The following ARHGAP26 variants were observed in gnomAD, a reference collection of about 807,000 sequenced individuals.
The protein encoded by ARHGAP26 is Rho GTPase activating protein 26.
A neutral mutation model predicts 104.8 loss-of-function variants in ARHGAP26; 38 were observed. The ratio of observed to expected loss-of-function variants is 0.36; its 90% CI spans 0.28 to 0.48. The LOEUF (loss-of-function observed/expected upper bound fraction) is 0.48. ARHGAP26 is among the 20% of genes least tolerant of loss of function. The probability of loss-of-function intolerance (pLI) is 0.99; values close to 1 mark genes in which losing one functional copy is unlikely to be tolerated. For missense variants in ARHGAP26, 704 were observed against 947.9 expected (o/e 0.74, Z 3.38); for synonymous variants, 341 against 340.0 (o/e 1.00, Z -0.03).
chr5:142,998,753 A>G (rs1023575350), intron 11 of ARHGAP26, among the ~76,000 whole-genome samples: 1 of 152,200 alleles, frequency 6.6e-6, no homozygotes, highest in Non-Finnish European at 1.5e-5. Flanking sequence ...ACAAAAAAAA[A>G]GAAAAAGGAA....
chr5:142,924,485 A>C (rs1484975170), intron 10 of ARHGAP26, among the ~76,000 whole-genome samples: 2 of 152,202 alleles, frequency 1.3e-5, no homozygotes, highest in African/African-American at 4.8e-5. Context: ...GGTAGTGTCT[A>C]CTTCATACAG....
chr5:142,859,446 G>A (rs1234747080), intron 1 of ARHGAP26, among the ~76,000 whole-genome samples: 1 of 152,150 alleles, frequency 6.6e-6, no homozygotes, highest in Non-Finnish European at 1.5e-5. Flanking sequence ...CTGATGTGTG[G>A]TGGTATTTTT....
chr5:143,016,434 G>T (rs1486081051), intron 12 of ARHGAP26, among the ~76,000 whole-genome samples: 1 of 152,170 alleles, frequency 6.6e-6, no homozygotes, highest in Non-Finnish European at 1.5e-5. Context: ...TGCCAGCACG[G>T]TGGCTCACGC....
At chr5:143,147,570 T>C in intron 20 of ARHGAP26, 189 bp downstream of exon 20, 1 of 602,698 alleles carries the variant, frequency 1.7e-6, no homozygotes, top group East Asian at 2.9e-5. Context: ...AGGGAGTCGT[T>C]ATTCTTAACA....
chr5:142,910,126 A>G (rs1184130228), intron 9 of ARHGAP26, among the ~76,000 whole-genome samples: 1 of 152,184 alleles, frequency 6.6e-6, no homozygotes, highest in Non-Finnish European at 1.5e-5. Context: ...AATTCCTTAC[A>G]TTTAAATTAT....
chr5:142,848,450 T>A (rs1190706293), intron 1 of ARHGAP26, among the ~76,000 whole-genome samples: 1 of 152,242 alleles, frequency 6.6e-6, no homozygotes, highest in Non-Finnish European at 1.5e-5. Flanking sequence ...TTTCCTCCTT[T>A]ACTCCCTTCC....
intron 11 of ARHGAP26, among the ~76,000 whole-genome samples, chr5:142,978,994 A>G (rs554251005): frequency 2.6e-5 from 4 of 152,336 alleles, no homozygotes; most frequent in African/African-American, 9.6e-5. Context: ...AAAGTGACTT[A>G]AGACACCTAA....
At chr5:142,982,881 A>G (rs1774151319) in intron 11 of ARHGAP26, among the ~76,000 whole-genome samples, 1 of 152,120 alleles carries the variant, frequency 6.6e-6, no homozygotes, top group Non-Finnish European at 1.5e-5. Context: ...GGTCATCTCT[A>G]GGTCTGACTT....
chr5:142,951,053 C>T (rs985181275), intron 11 of ARHGAP26, among the ~76,000 whole-genome samples: 1 of 151,254 alleles, frequency 6.6e-6, no homozygotes, highest in African/African-American at 2.4e-5. Flanking sequence ...CTTCCCCTTC[C>T]CCTTCCCCCT....
chr5:143,037,128 G>C, intron 12 of ARHGAP26, 68 bp from the exon 13 acceptor site: 1 of 1,305,104 alleles, frequency 7.7e-7, no homozygotes, highest in Non-Finnish European at 1.1e-6. Context: ...ATCCTGGTTT[G>C]GTTAAGCCCT....
intron 10 of ARHGAP26, among the ~76,000 whole-genome samples, chr5:142,914,594 G>A (rs1404763631): frequency 1.3e-5 from 2 of 152,144 alleles, no homozygotes; most frequent in Non-Finnish European, 1.5e-5. Flanking sequence ...CTTATCCTGC[G>A]TGCTCCTCAG....
rs202078962 is a variant in ARHGAP26, at chr5:142,881,396, T to C, written c.384+1951T>C. Reference sequence around the variant, plus strand: ...GGCTTGATACCAGTGATCTTAATGATAGGAGGAGCTACTGTCCCCCGGGGC... The same window carrying C: ...GGCTTGATACCAGTGATCTTAATGACAGGAGGAGCTACTGTCCCCCGGGGC... On this transcript the variant is annotated intron_variant, in intron 4 of 22. Transcript: ENST00000645722. Among the ~76,000 whole-genome samples, 65 of 152,258 alleles carry C rather than the reference T, an allele frequency of 4.3e-4. 3 individuals are homozygous for C. The East Asian group carries it at 7.3e-3, about 17-fold the overall frequency.
At chr5:142,885,472 T>C (rs1263990708) in intron 5 of ARHGAP26, 73 bp downstream of exon 5, 2 of 1,373,282 alleles carry the variant, frequency 1.5e-6, no homozygotes, top group Non-Finnish European at 2.0e-6. Flanking sequence ...TGCTGGTTGC[T>C]CTTTGCTAGA....
chr5:143,044,513 T>A (rs1783945254), intron 14 of ARHGAP26, among the ~76,000 whole-genome samples: 1 of 141,114 alleles, frequency 7.1e-6, no homozygotes, highest in East Asian at 2.3e-4. Flanking sequence ...TTTCTCAATC[T>A]CAGACCAGTC....
At chr5:142,941,433 G>A (rs1766339679) in intron 11 of ARHGAP26, among the ~76,000 whole-genome samples, 1 of 152,162 alleles carries the variant, frequency 6.6e-6, no homozygotes, top group African/African-American at 2.4e-5. Context: ...GAAATCCCCA[G>A]TGTGGTTTCT....
Position 142,770,727 on chromosome 5 carries a change from G to T in ARHGAP26, c.-35G>T. On this transcript the variant is annotated 5_prime_UTR_variant, in exon 1 of 23. Coordinates refer to ENST00000645722, the MANE Select transcript of ARHGAP26 (RefSeq NM_001135608.3). The stretch of plus-strand genomic sequence containing the variant: ...GGCGGCGGGCGGCCCGGGCCCCGGC[G>T]GAGGCGCGCCCCCCGGCTGGGCGCC... 1 of 1,206,682 alleles carries T rather than the reference G, an allele frequency of 8.3e-7. No homozygotes were observed. Among genetic ancestry groups the T allele is most frequent in the Non-Finnish European group, 1.0e-6 (1 of 962,402 alleles). The allele number at this position is 1,206,682 out of a possible 1,614,324, so 74.7% of individuals were successfully genotyped here. A position where few individuals can be genotyped will look rare whatever the true frequency, so the allele number is the denominator to read the frequency against.
At chr5:142,985,979 G>A (rs1241921431) in intron 11 of ARHGAP26, among the ~76,000 whole-genome samples, 1 of 152,114 alleles carries the variant, frequency 6.6e-6, no homozygotes, top group Non-Finnish European at 1.5e-5. Flanking sequence ...GTGTGTATGT[G>A]TTTTTATAGC....
intron 2 of ARHGAP26, 46 bp from the exon 3 acceptor site, chr5:142,875,064 G>A: frequency 6.5e-7 from 1 of 1,549,764 alleles, no homozygotes; most frequent in Non-Finnish European, 8.9e-7. Context: ...GGCTCCCCAA[G>A]GCCCATGACA....
At chr5:143,190,376 G>A (rs1245010598) in intron 20 of ARHGAP26, among the ~76,000 whole-genome samples, 1 of 152,156 alleles carries the variant, frequency 6.6e-6, no homozygotes, top group East Asian at 1.9e-4. Flanking sequence ...ACGGGGCAGG[G>A]TGCTTGCAGT....
Sources: allele counts gnomAD v4.1 joint callset (sites outside exome capture counted in the v4.1 genomes callset), GRCh38; gene constraint gnomAD v4.1.1; transcripts MANE v1.5; gene names NCBI Gene and HGNC (gene_info 2026-07-23, HGNC 2026-07-21).